Variants in NR5A2 observed in about 807,000 individuals in gnomAD.
NR5A2 encodes CYP7A promoter-binding factor.
A neutral mutation model predicts 62.7 loss-of-function variants in NR5A2; 26 were observed. That is an observed-to-expected ratio of 0.41 (90% CI 0.30 to 0.58). NR5A2 has a LOEUF of 0.58. Ranked by LOEUF, NR5A2 falls within the 20% of genes least tolerant of loss-of-function variation. The probability of loss-of-function intolerance (pLI) is 0.22; values close to 1 mark genes in which losing one functional copy is unlikely to be tolerated. For missense variants in NR5A2, 541 were observed against 669.1 expected, an observed-to-expected ratio of 0.81 and a Z score of 2.11; for synonymous variants, 246 against 241.7, an observed-to-expected ratio of 1.02 and a Z score of -0.16.
At chr1:200,046,663 T>A (rs562256403) in intron 4 of NR5A2, among the ~76,000 whole-genome samples, 13 of 152,284 alleles carry the variant, frequency 8.5e-5, no homozygotes, top group African/African-American at 3.1e-4. Context: ...TTTTAAGAGA[T>A]CATGAAAGGA....
Position 200,111,330 on chromosome 1 carries a change from AG to A in NR5A2, c.1230+10del. Reference sequence around the variant, plus strand: ...TGGTTACTGGGCAACAAGTGAGTGTAGAGACCAAAAAAAAAAAAAAAGCATC... The same window carrying A: ...TGGTTACTGGGCAACAAGTGAGTGTAAGACCAAAAAAAAAAAAAAAGCATC... On this transcript the variant is annotated intron_variant, in intron 6 of 7. Coordinates refer to ENST00000367362, the MANE Select transcript of NR5A2 (RefSeq NM_205860.3). 6.6e-7 allele frequency: 1 copy of A among 1,510,088 alleles called. No individual in the cohort carries two copies. The highest frequency in any genetic ancestry group is 2.1e-5 in the Admixed American group (1 of 46,512). The allele number at this position is 1,510,088 out of a possible 1,614,324, so 93.5% of individuals were successfully genotyped here.
chr1:200,147,622 C>G lies in NR5A2; in HGVS notation c.1379-26341C>G, dbSNP rs148622635. On this transcript the variant is annotated intron_variant, in intron 7 of 7. Coordinates refer to ENST00000367362, the MANE Select transcript of NR5A2 (RefSeq NM_205860.3). This position sits in a 1 kb window ranked among gnomAD's most constrained non-coding sequence, Gnocchi z 4.9. ...GAGCACATTTTCGCACAGGCAGCGC[C>G]GCAGCTTGCCCTGGATCTTGTCGAT... The G allele has an allele frequency of 2.8e-6, 2 of 715,278 alleles. No individual in the cohort carries two copies. Among genetic ancestry groups the G allele is most frequent in the Non-Finnish European group, 5.2e-6 (2 of 382,078 alleles). The allele number at this position is 715,278 out of a possible 1,614,324, so 44.3% of individuals were successfully genotyped here. A position where few individuals can be genotyped will look rare whatever the true frequency, so the allele number is the denominator to read the frequency against.
chr1:200,120,655 C>T (rs1666439072), intron 6 of NR5A2, among the ~76,000 whole-genome samples, 153 bp from the exon 7 acceptor site: 1 of 152,152 alleles, frequency 6.6e-6, no homozygotes, highest in African/African-American at 2.4e-5. Flanking sequence ...CTCAGGAGTT[C>T]AAGACCAGTC....
chr1:200,058,346 A>T (rs1663022468), intron 5 of NR5A2: 1 of 152,202 alleles, frequency 6.6e-6, no homozygotes. Flanking sequence ...TTTATAATTG[A>T]TAATTGCCAT....
At chr1:200,115,673 T>G (rs1376942328) in intron 6 of NR5A2, among the ~76,000 whole-genome samples, 6 of 152,168 alleles carry the variant, frequency 3.9e-5, no homozygotes, top group Admixed American at 2.6e-4. Context: ...GACTGCCCTT[T>G]GCATAGTGCT....
Position 200,176,310 on chromosome 1 carries a change from T to A in NR5A2, c.*2100T>A, listed in dbSNP as rs1654416586. On this transcript the variant is annotated 3_prime_UTR_variant, in exon 8 of 8. Coordinates refer to ENST00000367362, the MANE Select transcript of NR5A2 (RefSeq NM_205860.3). ...ACAAAGAGGATTATTTTATTATGTT[T>A]ATTAATCACCTCTAATACTCATCCA... is the stretch of plus-strand genomic sequence containing the variant. 6.5e-6 allele frequency: 1 copy of A among 152,680 alleles called. No homozygotes were observed. The highest frequency in any genetic ancestry group is 1.5e-5 in the Non-Finnish European group (1 of 68,044). The allele number at this position is 152,680 out of a possible 1,614,324, so 9.5% of individuals were successfully genotyped here.
intron 6 of NR5A2, among the ~76,000 whole-genome samples, chr1:200,118,239 A>G (rs962331329): frequency 1.3e-5 from 2 of 151,874 alleles, no homozygotes; most frequent in African/African-American, 4.8e-5. Context: ...CTGGTCTTGA[A>G]GTCCCGACCT....
At chr1:200,077,573 G>A (rs961503226) in intron 5 of NR5A2, among the ~76,000 whole-genome samples, 1 of 152,132 alleles carries the variant, frequency 6.6e-6, no homozygotes, top group African/African-American at 2.4e-5. Flanking sequence ...AATTAGCCAG[G>A]CATGGTGGTG....
rs1257793160 is a variant in NR5A2, at chr1:200,031,855, C to A, written c.64+3944C>A. 3.3e-5 allele frequency among the ~76,000 whole-genome samples: 5 copies of A among 152,160 alleles called. No individual in the cohort carries two copies. In the East Asian group the frequency reaches 7.7e-4, roughly 23 times the overall value. On this transcript the variant is annotated intron_variant, in intron 1 of 7. Transcript: ENST00000367362. ...TCAGCCTCCCAAAGTGCTGGGATTA[C>A]AAATGTGAGCCACCACACCTGGCAT...
At chr1:200,056,904 A>G (rs1015860429) in intron 5 of NR5A2, among the ~76,000 whole-genome samples, 7 of 152,116 alleles carry the variant, frequency 4.6e-5, no homozygotes, top group Admixed American at 4.6e-4. Flanking sequence ...TGAGAGTAGG[A>G]CCACACTGCT....
chr1:200,121,570 G>A (rs1666482974), intron 7 of NR5A2, among the ~76,000 whole-genome samples: 1 of 152,188 alleles, frequency 6.6e-6, no homozygotes, highest in Non-Finnish European at 1.5e-5. Context: ...CAGTGAGTCA[G>A]TTGAGAAAAA....
chr1:200,074,821 T>TA (rs1004939675), intron 5 of NR5A2, among the ~76,000 whole-genome samples: 24 of 143,702 alleles, frequency 1.7e-4, no homozygotes, highest in East Asian at 6.2e-4. Flanking sequence ...GGACTGGAAT[T>TA]AAAAAAAAAA....
chr1:200,034,570 C>G (rs1346518587), intron 1 of NR5A2, among the ~76,000 whole-genome samples: 1 of 130,032 alleles, frequency 7.7e-6, no homozygotes, highest in Non-Finnish European at 1.6e-5. Flanking sequence ...GCCCTCCTTT[C>G]CTCTGGGGCA....
intron 7 of NR5A2, among the ~76,000 whole-genome samples, chr1:200,168,533 A>G (rs1007402553): frequency 6.6e-6 from 1 of 152,200 alleles, no homozygotes; most frequent in African/African-American, 2.4e-5. Context: ...GCACAAAATT[A>G]TACATTCTAG....
At chr1:200,139,305 C>T (rs1052638808) in intron 7 of NR5A2, among the ~76,000 whole-genome samples, 10 of 152,158 alleles carry the variant, frequency 6.6e-5, no homozygotes, top group Non-Finnish European at 8.8e-5. Context: ...TCTGTGTAGA[C>T]ATTCATAGTC....
At position 200,048,716 on chromosome 1, in the gene NR5A2, C is replaced by T. The variant is rs751348254; in HGVS notation, c.1008C>T (p.His336=). The T allele has an allele frequency of 4.1e-5, 66 of 1,614,154 alleles. No individual in the cohort carries two copies. In the South Asian group the frequency reaches 5.8e-4, roughly 14 times the overall value. The change falls in exon 5 of 8, where the codon CAC becomes CAT. Residue 336 remains histidine, a synonymous_variant. Coordinates refer to ENST00000367362, the MANE Select transcript of NR5A2 (RefSeq NM_205860.3). The surrounding 1 kb of genome is among the most constrained non-coding windows in gnomAD (Gnocchi z 4.8). ...AAGAGCAGGCTAACCGAAGCAAGCA[C>T]GAAAAGCTGAGCACCTTTGGGCTTA... ...LQQEQANRSK[H]EKLSTFGLMC...
At chr1:200,058,352 GCCATTATCAATATGCTCACCTCTTTA>G (rs1408344522) in intron 5 of NR5A2, 1 of 152,080 alleles carries the variant, frequency 6.6e-6, no homozygotes, top group Non-Finnish European at 1.5e-5. Context: ...ATTGATAATT[GCCATTATCAATATGCTCACCTCTTTA>G]CCATATTCCA....
At chr1:200,033,525 T>C (rs1661622726) in intron 1 of NR5A2, among the ~76,000 whole-genome samples, 1 of 152,220 alleles carries the variant, frequency 6.6e-6, no homozygotes, top group Non-Finnish European at 1.5e-5. Flanking sequence ...TTTGGATGCC[T>C]GCAGCCTCTG....
chr1:200,167,816 T>A (rs1653975654), intron 7 of NR5A2, among the ~76,000 whole-genome samples: 1 of 152,222 alleles, frequency 6.6e-6, no homozygotes, highest in Non-Finnish European at 1.5e-5. Flanking sequence ...TCTGCTAGGA[T>A]GTGCGTTCTC....
Sources: gnomAD v4.1 joint callset for allele counts (sites outside exome capture counted in the v4.1 genomes callset) on GRCh38, gnomAD v4.1.1 for gene constraint, Gnocchi (gnomAD v3.1) non-coding constraint, MANE v1.5 for transcripts, NCBI Gene and HGNC (gene_info 2026-07-23, HGNC 2026-07-21) for gene names.